Variants in DCHS2 observed in about 807,000 individuals in gnomAD.
The protein encoded by DCHS2 is dachsous cadherin-related 2.
In DCHS2, 142 loss-of-function variants were observed where a neutral mutation model predicts 182.4. The observed-to-expected ratio is 0.78, with a 90% confidence interval of 0.68 to 0.89. The LOEUF (loss-of-function observed/expected upper bound fraction) is 0.89. Among genes scored for constraint, DCHS2 ranks in the 40% least tolerant of loss-of-function variants. The pLI is 0.00. For synonymous variants in DCHS2, 1,740 were observed against 1,663.3 expected, an observed-to-expected ratio of 1.05 and a Z score of -1.12; for missense variants, 4,319 against 4,198.6, an observed-to-expected ratio of 1.03 and a Z score of -0.79.
At chr4:154,443,300 G>C (rs1208878927) in intron 1 of DCHS2, among the ~76,000 whole-genome samples, 1 of 152,078 alleles carries the variant, frequency 6.6e-6, no homozygotes, top group African/African-American at 2.4e-5. Flanking sequence ...ACAACCTCAA[G>C]TGACAATCGA....
chr4:154,236,352 G>T lies in DCHS2; in HGVS notation c.8300C>A (p.Pro2767His). The change falls in exon 20 of 20, where the codon CCT (proline) becomes CAT (histidine). Residue 2767 changes from proline to histidine, a missense_variant. Coordinates refer to ENST00000357232, the MANE Select transcript of DCHS2 (RefSeq NM_001358235.2). ...GCTGAAGCTTGAGAACATAAACTGAGGTGCATGGTCGTTATCATCCAGGAC... is the reference window on the plus strand; with the variant it reads ...GCTGAAGCTTGAGAACATAAACTGATGTGCATGGTCGTTATCATCCAGGAC... ...VSVLDDNDHA[P>H]QFMFSSFSCI... 2.5e-6 allele frequency: 4 copies of T among 1,614,030 alleles called. No homozygotes were observed. Among genetic ancestry groups the T allele is most frequent in the Non-Finnish European group, 2.5e-6 (3 of 1,179,960 alleles).
Position 154,235,897 on chromosome 4 carries a change from G to C in DCHS2, c.8755C>G (p.Leu2919Val). 6.2e-7 allele frequency: 1 copy of C among 1,614,014 alleles called. No individual in the cohort carries two copies. The highest frequency in any genetic ancestry group is 8.5e-7 in the Non-Finnish European group (1 of 1,179,946). Residue 2919 changes from leucine (L) to valine (V), a missense_variant, in exon 20 of 20, where the codon CTT becomes GTT. Leu to Val is a conservative substitution (Grantham distance 32). Coordinates refer to ENST00000357232, the MANE Select transcript of DCHS2 (RefSeq NM_001358235.2). The part of the protein sequence containing the change: ...AGIDGVILYS[L>V]GTSSPFFSVN... ...GAAAAGAAAGGAGATGAGGTTCCAA[G>C]GGAGTAAAGAATGACTCCATCAATA...
At chr4:154,421,994 T>C (rs1390765673) in intron 1 of DCHS2, among the ~76,000 whole-genome samples, 1 of 152,236 alleles carries the variant, frequency 6.6e-6, no homozygotes, top group Non-Finnish European at 1.5e-5. Flanking sequence ...TCAGCATCAT[T>C]CAGTAAAGGT....
chr4:154,490,077 A>G lies in DCHS2; in HGVS notation c.1279T>C (p.Ser427Pro). 1 of 1,549,310 alleles carries G rather than the reference A, an allele frequency of 6.5e-7. No homozygotes were observed. The highest frequency in any genetic ancestry group is 8.7e-7 in the Non-Finnish European group (1 of 1,146,820). Residue 427 changes from serine to proline, a missense_variant, in exon 1 of 20, where the codon TCT (serine) becomes CCT (proline). Physicochemically the swap from Ser to Pro is moderately conservative, Grantham distance 74. Transcript: ENST00000357232. Reference sequence around the variant, plus strand: ...TAGTCGCCCGGTCGGGCGCCTTCAGAGACACGGGCGACGCCTCCCTCTGTG... The same window carrying G: ...TAGTCGCCCGGTCGGGCGCCTTCAGGGACACGGGCGACGCCTCCCTCTGTG... ...FLTEGGVARV[S>P]EGARPGDYVA...
At chr4:154,255,047 G>A (rs942687594) in intron 16 of DCHS2, among the ~76,000 whole-genome samples, 5 of 152,120 alleles carry the variant, frequency 3.3e-5, no homozygotes, top group African/African-American at 1.2e-4. Flanking sequence ...CGTTTAATAA[G>A]ATCATTTCTA....
At position 154,236,442 on chromosome 4, in the gene DCHS2, G is replaced by A. The variant is rs559445336; in HGVS notation, c.8210C>T (p.Thr2737Ile). The A allele has an allele frequency of 7.4e-5, 120 of 1,614,000 alleles. 1 individual carries two copies. The South Asian group carries it at 1.3e-3, about 17-fold the overall frequency. Residue 2737 changes from threonine (T) to isoleucine (I), a missense_variant, in exon 20 of 20, where the codon ACC becomes ATC. Physicochemically the swap from Thr to Ile is moderately conservative, Grantham distance 89. Transcript: ENST00000357232. ...PLDYEKMTKF[T>I]LTVQASDAEK... ...TGCATCTGAAGCTTGGACAGTTAAG[G>A]TGAATTTTGTCATTTTTTCATAATC...
Position 154,332,821 on chromosome 4 carries a change from G to A in DCHS2, c.3387C>T (p.Asp1129=), listed in dbSNP as rs761716967. 77 of 1,614,128 alleles carry A rather than the reference G, an allele frequency of 4.8e-5. No homozygotes were observed. The highest frequency in any genetic ancestry group is 6.2e-5 in the Non-Finnish European group (73 of 1,180,046). Reference sequence around the variant, plus strand: ...AAGGGCGGATTCCAAACATAGCAGAGTCTACGCTGGGTTCCAGCGAGTACC... The same window carrying A: ...AAGGGCGGATTCCAAACATAGCAGAATCTACGCTGGGTTCCAGCGAGTACC... The part of the protein sequence containing the change: ...PLRYSLEPSV[D]SAMFGIRPYT... Residue 1129 remains aspartate (D), a synonymous_variant, in exon 5 of 20, where the codon GAC becomes GAT. Coordinates refer to ENST00000357232, the MANE Select transcript of DCHS2 (RefSeq NM_001358235.2).
chr4:154,383,487 A>T (rs188787543), intron 1 of DCHS2, among the ~76,000 whole-genome samples: 10 of 152,334 alleles, frequency 6.6e-5, no homozygotes, highest in Non-Finnish European at 1.2e-4. Flanking sequence ...AATTACAAAA[A>T]ATAAAGTAAA....
intron 1 of DCHS2, among the ~76,000 whole-genome samples, chr4:154,410,719 C>G (rs4434232): frequency 0.23 from 35,090 of 151,654 alleles, 4,400 homozygotes; most frequent in African/African-American, 0.33. Flanking sequence ...TGAAATAATT[C>G]CCAGAAGTTT....
chr4:154,268,071 T>G (rs2111197234), intron 14 of DCHS2, among the ~76,000 whole-genome samples: 1 of 152,362 alleles, frequency 6.6e-6, no homozygotes, highest in South Asian at 2.1e-4. Context: ...TGGCCATGAC[T>G]TTTGCATCGT....
In DCHS2 at chr4:154,472,030, A is replaced by G. The variant is rs1015837659; in HGVS notation, c.2052+17274T>C. Among the ~76,000 whole-genome samples the G allele has an allele frequency of 5.0e-4, 11 of 22,186 alleles. No homozygotes were observed. The Non-Finnish European group carries it at 0.014, about 29-fold the overall frequency. The allele number at this position is 22,186 out of a possible 152,430, so 14.6% of individuals were successfully genotyped here. A position where few individuals can be genotyped will look rare whatever the true frequency, so the allele number is the denominator to read the frequency against. ...GTCCTGTTAGTCTCTAACAAAAACA[A>G]CTTGCTATTAAAGTACAGCTCTGGG... is the stretch of plus-strand genomic sequence containing the variant. On this transcript the variant is annotated intron_variant, in intron 1 of 19. Coordinates refer to ENST00000357232, the MANE Select transcript of DCHS2 (RefSeq NM_001358235.2).
intron 14 of DCHS2, among the ~76,000 whole-genome samples, chr4:154,263,129 T>C (rs1733064769): frequency 6.6e-6 from 1 of 151,636 alleles, no homozygotes; most frequent in East Asian, 1.9e-4. Flanking sequence ...GAGATAAATA[T>C]TATTGATTTA....
intron 1 of DCHS2, among the ~76,000 whole-genome samples, chr4:154,456,391 C>T (rs1734767437): frequency 6.6e-6 from 1 of 152,198 alleles, no homozygotes; most frequent in Admixed American, 6.5e-5. Context: ...GACTCAGTCC[C>T]TGTCCTCCAG....
At position 154,491,060 on chromosome 4, in the gene DCHS2, C is replaced by T. The variant is rs1168790330; in HGVS notation, c.296G>A (p.Ser99Asn). ...GLPAAQQQEG[S>N]GFFLSEDSDD... ...GGAGTCCTCCGACAGAAAGAAGCCG[C>T]TCCCCTCCTGCTGCTGCGCGGCCGG... Residue 99 changes from serine (S) to asparagine (N), a missense_variant, in exon 1 of 20, where the codon AGC (serine) becomes AAC (asparagine). Ser to Asn is a conservative substitution (Grantham distance 46). Transcript: ENST00000357232. 1 of 1,551,084 alleles carries T rather than the reference C, an allele frequency of 6.4e-7. No homozygotes were observed. Among genetic ancestry groups the T allele is most frequent in the African/African-American group, 1.4e-5 (1 of 73,054 alleles).
At position 154,332,969 on chromosome 4, in the gene DCHS2, G is replaced by A. The variant is rs755977541; in HGVS notation, c.3239C>T (p.Pro1080Leu). 86 of 1,614,202 alleles carry A rather than the reference G, an allele frequency of 5.3e-5. No individual in the cohort carries two copies. In the Middle Eastern group the frequency reaches 1.6e-3, roughly 31 times the overall value. Residue 1080 changes from proline to leucine, a missense_variant, in exon 5 of 20, where the codon CCA (proline) becomes CTA (leucine). Pro to Leu is a moderately conservative substitution (Grantham distance 98, BLOSUM62 -3). Transcript: ENST00000357232. The part of the protein sequence containing the change: ...TVVIEKREHS[P>L]SWTFEHLVYQ... ...GACCAAATGTTCGAAAGTCCAGGAT[G>A]GGCTGTGTTCGCGTTTCTCGATAAC...
At chr4:154,371,375 C>T (rs1025547730) in intron 2 of DCHS2, among the ~76,000 whole-genome samples, 2 of 152,004 alleles carry the variant, frequency 1.3e-5, no homozygotes, top group African/African-American at 4.8e-5. Context: ...CTATGGGCTT[C>T]CTTGTGAGAG....
intron 3 of DCHS2, among the ~76,000 whole-genome samples, chr4:154,358,098 T>C (rs183344562): frequency 1.3e-3 from 200 of 152,290 alleles, no homozygotes; most frequent in African/African-American, 4.7e-3. Flanking sequence ...TGGATCTCCT[T>C]TGTAAATCTT....
In DCHS2 at chr4:154,490,647, G is replaced by A; in HGVS notation, c.709C>T (p.Pro237Ser). The A allele has an allele frequency of 6.4e-7, 1 of 1,551,248 alleles. No individual in the cohort carries two copies. The change falls in exon 1 of 20, where the codon CCA (proline) becomes TCA (serine). Residue 237 changes from proline (P) to serine (S), a missense_variant. Physicochemically the swap from Pro to Ser is moderately conservative, Grantham distance 74. Coordinates refer to ENST00000357232, the MANE Select transcript of DCHS2 (RefSeq NM_001358235.2). ...TPGPLPSPLL[P>S]GSSSPLEPLD... is the part of the protein sequence containing the mutation. ...GGCTCCAGGGGTGACGAGGAGCCTGGCAAAAGCGGTGACGGTAGTGGCCCC... is the reference window on the plus strand; with the variant it reads ...GGCTCCAGGGGTGACGAGGAGCCTGACAAAAGCGGTGACGGTAGTGGCCCC...
At chr4:154,262,312 C>T (rs1170093320) in intron 14 of DCHS2, 1 of 152,086 alleles carries the variant, frequency 6.6e-6, no homozygotes, top group Non-Finnish European at 1.5e-5. Flanking sequence ...AGACAATAAC[C>T]AGTCTGTGGG....
Sources: allele counts gnomAD v4.1 joint callset (sites outside exome capture counted in the v4.1 genomes callset), GRCh38; gene constraint gnomAD v4.1.1; transcripts MANE v1.5; gene names NCBI Gene and HGNC (gene_info 2026-07-23, HGNC 2026-07-21).